CAMK2A: variants seen among roughly 807,000 people sequenced by gnomAD.
The protein encoded by CAMK2A is calcium/calmodulin dependent protein kinase II alpha.
Under a neutral mutation model 79.2 loss-of-function variants are expected in CAMK2A, and 7 were observed. That is an observed-to-expected ratio of 0.09 (90% CI 0.05 to 0.17). The LOEUF (loss-of-function observed/expected upper bound fraction) is 0.17. CAMK2A is among the 10% of genes least tolerant of loss of function. CAMK2A has a pLI of 1.00. For missense variants in CAMK2A, 214 were observed against 646.4 expected (o/e 0.33, Z 7.25); for synonymous variants, 242 against 251.7 (o/e 0.96, Z 0.36).
intron 2 of CAMK2A, among the ~76,000 whole-genome samples, chr5:150,266,988 A>G (rs972152696): frequency 6.6e-6 from 1 of 152,170 alleles, no homozygotes; most frequent in South Asian, 2.1e-4. Context: ...AGAAGCCAAA[A>G]TCAATACTGA....
At chr5:150,247,613 A>G (rs1048119377) in intron 12 of CAMK2A, among the ~76,000 whole-genome samples, 159 bp downstream of exon 12, 10 of 152,120 alleles carry the variant, frequency 6.6e-5, no homozygotes, top group Non-Finnish European at 1.0e-4. Context: ...ACTTCTGGGT[A>G]CAGGCCGTGG....
At chr5:150,283,379 C>CT (rs1029812612) in intron 1 of CAMK2A, among the ~76,000 whole-genome samples, 8 of 152,140 alleles carry the variant, frequency 5.3e-5, no homozygotes, top group African/African-American at 1.9e-4. Context: ...TACTTTCTCT[C>CT]TTTTTTTAAG....
chr5:150,281,800 A>C (rs1757228125), intron 1 of CAMK2A, among the ~76,000 whole-genome samples: 2 of 152,226 alleles, frequency 1.3e-5, no homozygotes. Context: ...AGCTGGGGTC[A>C]GTTTCATTCA....
intron 15 of CAMK2A, among the ~76,000 whole-genome samples, chr5:150,235,052 G>T (rs535462577): frequency 1.3e-5 from 2 of 152,254 alleles, no homozygotes; most frequent in East Asian, 3.9e-4. Context: ...CTCTGAGTAC[G>T]TGCACACAAT....
At chr5:150,238,870 T>A in intron 14 of CAMK2A, 122 bp from the exon 15 acceptor site, 2 of 802,666 alleles carry the variant, frequency 2.5e-6, no homozygotes, top group Non-Finnish European at 3.9e-6. Context: ...GCCTTCCAGA[T>A]GCTGTCCTGA....
chr5:150,226,810 G>GTT (rs111420455), intron 17 of CAMK2A, among the ~76,000 whole-genome samples: 4 of 141,524 alleles, frequency 2.8e-5, no homozygotes, highest in African/African-American at 7.8e-5. Context: ...TGTTTTTTGT[G>GTT]TTTTTTTTGT....
chr5:150,222,788 A>G, intron 18 of CAMK2A, 75 bp from the exon 19 acceptor site: 1 of 1,581,402 alleles, frequency 6.3e-7, no homozygotes, highest in Non-Finnish European at 8.7e-7. Context: ...CTGCCGCTTT[A>G]GATGGAGTCC....
chr5:150,221,665 A>G lies in CAMK2A; in HGVS notation c.*1045T>C, dbSNP rs1008553682. The G allele has an allele frequency of 4.8e-5, 19 of 398,108 alleles. No homozygotes were observed. Among genetic ancestry groups the G allele is most frequent in the African/African-American group, 3.9e-4 (19 of 48,608 alleles). 24.7% of individuals were successfully genotyped at this position (398,108 alleles called of 1,614,324 possible). The stretch of plus-strand genomic sequence containing the variant: ...CCTGTGTCAGCTCACCTTGGGACCG[A>G]AATGGCAGAGAGGCCCTTCTCCCCG... On this transcript the variant is annotated 3_prime_UTR_variant, in exon 19 of 19. Transcript: ENST00000671881.
intron 1 of CAMK2A, among the ~76,000 whole-genome samples, chr5:150,275,713 C>G (rs1002233597): frequency 3.9e-5 from 6 of 152,172 alleles, no homozygotes; most frequent in African/African-American, 1.4e-4. Flanking sequence ...TACAGATGAA[C>G]AGCTAGATGA....
chr5:150,245,234 G>C (rs780850717), intron 12 of CAMK2A, 33 bp from the exon 13 acceptor site: 2 of 1,608,124 alleles, frequency 1.2e-6, no homozygotes, highest in African/African-American at 2.7e-5. Flanking sequence ...GGTTAACAAC[G>C]CCAGGCAGGG....
At chr5:150,283,463 C>A (rs903135149) in intron 1 of CAMK2A, among the ~76,000 whole-genome samples, 2 of 152,156 alleles carry the variant, frequency 1.3e-5, no homozygotes, top group Admixed American at 1.3e-4. Context: ...CATCCTCAGA[C>A]TCCGGGGCTC....
rs1465769997 is a variant in CAMK2A, at chr5:150,247,821, G to T, written c.901-7C>A. On this transcript the variant is annotated splice_polypyrimidine_tract_variant and splice_region_variant and intron_variant, in intron 11 of 18. Coordinates refer to ENST00000671881, the MANE Select transcript of CAMK2A (RefSeq NM_015981.4). ...TCGTGGTGAGAATGGCTCCCTGCAAGACATAAGAAGAGGGCAGTGGGAGAG... is the reference window on the plus strand; with the variant it reads ...TCGTGGTGAGAATGGCTCCCTGCAATACATAAGAAGAGGGCAGTGGGAGAG... 1 of 1,612,550 alleles carries T rather than the reference G, an allele frequency of 6.2e-7. No homozygotes were observed. The highest frequency in any genetic ancestry group is 8.5e-7 in the Non-Finnish European group (1 of 1,179,418).
intron 7 of CAMK2A, among the ~76,000 whole-genome samples, chr5:150,253,054 T>C (rs1001728996): frequency 6.6e-6 from 1 of 152,258 alleles, no homozygotes; most frequent in African/African-American, 2.4e-5. Context: ...GCAAGTTTTC[T>C]GCCAGTTTTT....
At chr5:150,234,130 C>A (rs1754965617) in intron 15 of CAMK2A, among the ~76,000 whole-genome samples, 2 of 152,154 alleles carry the variant, frequency 1.3e-5, no homozygotes, top group South Asian at 4.1e-4. Flanking sequence ...CTCTTTCTTG[C>A]CACTCCCACA....
chr5:150,281,125 C>T (rs1415287220), intron 1 of CAMK2A, among the ~76,000 whole-genome samples: 1 of 152,204 alleles, frequency 6.6e-6, no homozygotes, highest in Non-Finnish European at 1.5e-5. Context: ...TTTAGCTACT[C>T]ATTATCTTGC....
At chr5:150,263,379 C>G (rs1280091950) in intron 3 of CAMK2A, among the ~76,000 whole-genome samples, 1 of 151,130 alleles carries the variant, frequency 6.6e-6, no homozygotes, top group African/African-American at 2.4e-5. Flanking sequence ...TACATGCACT[C>G]ACACAGACAT....
At chr5:150,231,039 G>A (rs928683220) in intron 16 of CAMK2A, among the ~76,000 whole-genome samples, 2 of 152,230 alleles carry the variant, frequency 1.3e-5, no homozygotes, top group South Asian at 2.1e-4. Flanking sequence ...AGGGAGTTTT[G>A]TTGGAGTTCC....
chr5:150,261,653 C>G (rs1756310684), intron 3 of CAMK2A, among the ~76,000 whole-genome samples: 1 of 152,118 alleles, frequency 6.6e-6, no homozygotes, highest in African/African-American at 2.4e-5. Context: ...TGCATGTCCC[C>G]CTGACACCAT....
At chr5:150,227,597 A>G (rs946723823) in intron 17 of CAMK2A, among the ~76,000 whole-genome samples, 1 of 151,962 alleles carries the variant, frequency 6.6e-6, no homozygotes, top group African/African-American at 2.4e-5. Context: ...CCCAGCCTCA[A>G]CCCCCTGAAG....
Sources: gnomAD v4.1 joint callset for allele counts (sites outside exome capture counted in the v4.1 genomes callset) on GRCh38, gnomAD v4.1.1 for gene constraint, MANE v1.5 for transcripts, NCBI Gene and HGNC (gene_info 2026-07-23, HGNC 2026-07-21) for gene names.